The following DLG2 variants were observed in gnomAD, a reference collection of about 807,000 sequenced individuals.
The protein encoded by DLG2 is discs large MAGUK scaffold protein 2.
Under a neutral mutation model 132.5 loss-of-function variants are expected in DLG2, and 45 were observed. That is an observed-to-expected ratio of 0.34 (90% confidence interval 0.27 to 0.44). The LOEUF (loss-of-function observed/expected upper bound fraction) is 0.44, where lower values mean the gene tolerates loss of function less well. DLG2 is among the 20% of genes least tolerant of loss of function. DLG2 has a pLI of 1.00. For missense variants in DLG2, 1,045 were observed against 1,196.9 expected (o/e 0.87, Z 1.87); for synonymous variants, 424 against 419.6 (o/e 1.01, Z -0.13).
chr11:85,609,092 G>T (rs1303447721), intron 2 of DLG2, among the ~76,000 whole-genome samples: 1 of 152,112 alleles, frequency 6.6e-6, no homozygotes, highest in Admixed American at 6.5e-5. Context: ...GTTCTAGAAG[G>T]ACTAAGGAGA....
At chr11:83,888,454 T>C (rs896473880) in intron 15 of DLG2, among the ~76,000 whole-genome samples, 5 of 151,866 alleles carry the variant, frequency 3.3e-5, no homozygotes, top group Middle Eastern at 3.2e-3. Flanking sequence ...TAAAAGAGGA[T>C]ACAAACAAAT....
intron 7 of DLG2, among the ~76,000 whole-genome samples, chr11:84,428,127 C>G (rs771817324): frequency 1.3e-5 from 2 of 152,164 alleles, no homozygotes; most frequent in Admixed American, 6.6e-5. Context: ...AAGCTATCCT[C>G]CAAAAGCATT....
chr11:85,185,733 A>T (rs2080045762), intron 4 of DLG2, among the ~76,000 whole-genome samples: 1 of 151,882 alleles, frequency 6.6e-6, no homozygotes, highest in African/African-American at 2.4e-5. Flanking sequence ...GCTAAGTGCC[A>T]TCATCCTCAT....
At chr11:83,791,340 T>C (rs1387295081) in intron 17 of DLG2, 3 of 671,462 alleles carry the variant, frequency 4.5e-6, no homozygotes, top group Non-Finnish European at 7.9e-6. Flanking sequence ...GCTGCCTTTT[T>C]AACGTATCCA....
At chr11:84,240,249 C>A (rs1189873526) in intron 8 of DLG2, among the ~76,000 whole-genome samples, 3 of 152,142 alleles carry the variant, frequency 2.0e-5, no homozygotes, top group Admixed American at 2.0e-4. Flanking sequence ...TACTTGGGTC[C>A]TTTTAAGACC....
chr11:85,228,115 T>C (rs982317128), intron 4 of DLG2, among the ~76,000 whole-genome samples: 4 of 152,126 alleles, frequency 2.6e-5, no homozygotes, highest in African/African-American at 9.7e-5. Context: ...TTTATTTATT[T>C]TCTGTTCCTC....
At chr11:85,177,992 A>G (rs921439734) in intron 4 of DLG2, among the ~76,000 whole-genome samples, 17 of 152,132 alleles carry the variant, frequency 1.1e-4, no homozygotes, top group African/African-American at 3.9e-4. Context: ...CTTGAAAGAC[A>G]AAGGTAGACT....
At chr11:84,665,905 G>A (rs2099699303) in intron 6 of DLG2, among the ~76,000 whole-genome samples, 1 of 152,132 alleles carries the variant, frequency 6.6e-6, no homozygotes, top group East Asian at 1.9e-4. Context: ...GAATAGGTAA[G>A]CATTCTCTTA....
At chr11:83,540,381 C>T (rs2096028428) in intron 20 of DLG2, among the ~76,000 whole-genome samples, 1 of 152,130 alleles carries the variant, frequency 6.6e-6, no homozygotes, top group African/African-American at 2.4e-5. Context: ...GGCAATTATC[C>T]AGGAGCCAAG....
At chr11:85,467,816 T>C (rs185417607) in intron 3 of DLG2, among the ~76,000 whole-genome samples, 103 of 152,340 alleles carry the variant, frequency 6.8e-4, no homozygotes, top group Middle Eastern at 3.4e-3. Flanking sequence ...AGGATGATGC[T>C]GGCTTCATAA....
At chr11:83,572,647 C>G (rs963950408) in intron 19 of DLG2, among the ~76,000 whole-genome samples, 2 of 152,182 alleles carry the variant, frequency 1.3e-5, no homozygotes, top group Admixed American at 6.6e-5. Flanking sequence ...AAACTCTAGT[C>G]TCACACTCAA....
intron 6 of DLG2, among the ~76,000 whole-genome samples, chr11:84,567,757 G>C (rs374003720): frequency 6.6e-6 from 1 of 152,120 alleles, no homozygotes; most frequent in African/African-American, 2.4e-5. Flanking sequence ...GAAGTTTTAG[G>C]CTCTATTCCT....
At chr11:85,386,175 A>G (rs1242701195) in intron 3 of DLG2, among the ~76,000 whole-genome samples, 1 of 152,218 alleles carries the variant, frequency 6.6e-6, no homozygotes, top group African/African-American at 2.4e-5. Flanking sequence ...ATCAGGTTCT[A>G]ACACATTCTA....
At chr11:85,271,976 A>C (rs2077561362) in intron 4 of DLG2, among the ~76,000 whole-genome samples, 1 of 152,206 alleles carries the variant, frequency 6.6e-6, no homozygotes, top group Admixed American at 6.5e-5. Flanking sequence ...TGAAATGTGA[A>C]GACATGAAAT....
intron 8 of DLG2, among the ~76,000 whole-genome samples, chr11:84,205,946 A>AT (rs1367030356): frequency 4.6e-5 from 7 of 152,078 alleles, no homozygotes; most frequent in Admixed American, 2.0e-4. Flanking sequence ...AATAAAACTG[A>AT]TTTTTTTAAA....
At chr11:84,268,497 T>C (rs893179345) in intron 7 of DLG2, among the ~76,000 whole-genome samples, 12 of 150,366 alleles carry the variant, frequency 8.0e-5, no homozygotes, top group Non-Finnish European at 1.8e-4. Context: ...AGTCTCGCTC[T>C]GTCACCCAGG....
intron 6 of DLG2, among the ~76,000 whole-genome samples, chr11:84,548,173 A>C: frequency 6.6e-6 from 1 of 152,204 alleles, no homozygotes; most frequent in East Asian, 1.9e-4. Flanking sequence ...AGTAACATGC[A>C]GAGAAGAACT....
chr11:84,946,558 T>C (rs2050223963), intron 6 of DLG2, among the ~76,000 whole-genome samples: 1 of 152,016 alleles, frequency 6.6e-6, no homozygotes, highest in Non-Finnish European at 1.5e-5. Context: ...TAGTGCCCTA[T>C]TATATAGTTC....
intron 4 of DLG2, among the ~76,000 whole-genome samples, chr11:85,254,339 G>A (rs1318918940): frequency 3.3e-5 from 5 of 152,168 alleles, no homozygotes; most frequent in African/African-American, 7.2e-5. Context: ...TTACAAAACA[G>A]TATATAGAGA....
Sources: gnomAD v4.1 joint callset for allele counts (sites outside exome capture counted in the v4.1 genomes callset) on GRCh38, gnomAD v4.1.1 for gene constraint, MANE v1.5 for transcripts, NCBI Gene and HGNC (gene_info 2026-07-23, HGNC 2026-07-21) for gene names.